The following PI4KB variants were observed in gnomAD, a reference collection of about 807,000 sequenced individuals.
PI4KB encodes phosphatidylinositol 4-kinase beta.
In PI4KB, 23 loss-of-function variants were observed where a neutral mutation model predicts 81.4. That is an observed-to-expected ratio of 0.28 (90% CI 0.20 to 0.40). PI4KB has a LOEUF of 0.40. Among genes scored for constraint, PI4KB ranks in the 10% least tolerant of loss-of-function variants. PI4KB has a pLI of 1.00. For synonymous variants in PI4KB, 381 were observed against 406.8 expected (o/e 0.94, Z 0.76); for missense variants, 651 against 1,036.6 (o/e 0.63, Z 5.11).
At position 151,298,739 on chromosome 1, in the gene PI4KB, G is replaced by A. The variant is rs924481906; in HGVS notation, c.2015+69C>T. On this transcript the variant is annotated intron_variant, in intron 9 of 11. Coordinates refer to ENST00000368873, the MANE Select transcript of PI4KB (RefSeq NM_001369623.2). ...CCATGGAGGGCAGTAATAAGTAATT[G>A]AGAACTACACACGAAGGGACAGAGA... 6.7e-6 allele frequency: 10 copies of A among 1,502,920 alleles called. No homozygotes were observed. In the African/African-American group the frequency reaches 1.4e-4, roughly 21 times the overall value. The allele number at this position is 1,502,920 out of a possible 1,614,324, so 93.1% of individuals were successfully genotyped here. A position where few individuals can be genotyped will look rare whatever the true frequency, so the allele number is the denominator to read the frequency against.
At chr1:151,299,183 A>C (rs1453010056) in intron 8 of PI4KB, 110 bp from the exon 9 acceptor site, 1 of 1,010,286 alleles carries the variant, frequency 9.9e-7, no homozygotes, top group East Asian at 2.5e-5. Flanking sequence ...TTGAATTCTA[A>C]GCCATCAAAT....
intron 5 of PI4KB, among the ~76,000 whole-genome samples, chr1:151,304,807 A>G (rs1379711668): frequency 6.7e-6 from 1 of 149,422 alleles, no homozygotes; most frequent in Non-Finnish European, 1.5e-5. Context: ...CTGGGATTAC[A>G]GGCATGTTCC....
intron 4 of PI4KB, among the ~76,000 whole-genome samples, chr1:151,306,845 G>A (rs1413256631): frequency 6.6e-6 from 1 of 152,216 alleles, no homozygotes; most frequent in African/African-American, 2.4e-5. Flanking sequence ...GGGGGGCCGA[G>A]GCGGGTGGAT....
rs1286314472 is a variant in PI4KB at position 151,292,620 on chromosome 1, GAC to G, written c.*230_*231del. On this transcript the variant is annotated 3_prime_UTR_variant, in exon 12 of 12. Transcript: ENST00000368873. Reference sequence around the variant, plus strand: ...CTGGAGTCAGTCTGGTGGTAATACTGACACAGACCAGGAGGGGCAGGGAAGCC... The same window carrying G: ...CTGGAGTCAGTCTGGTGGTAATACTGACAGACCAGGAGGGGCAGGGAAGCC... The G allele has an allele frequency of 9.0e-6, 5 of 557,178 alleles. No individual in the cohort carries two copies. The highest frequency in any genetic ancestry group is 5.7e-5 in the African/African-American group (3 of 52,830). 34.5% of individuals were successfully genotyped at this position (557,178 alleles called of 1,614,324 possible).
upstream of PI4KB, chr1:151,327,419 G>A (rs559653405): frequency 3.5e-5 from 14 of 397,766 alleles, no homozygotes; most frequent in South Asian, 2.5e-4. Context: ...CCCCGGCTGC[G>A]GGGCTGCCCG....
intron 11 of PI4KB, 90 bp downstream of exon 11, chr1:151,293,928 T>G: frequency 1.4e-6 from 2 of 1,448,144 alleles, no homozygotes; most frequent in South Asian, 2.5e-5. Flanking sequence ...CTCAACCGAG[T>G]CTCGTGGGAT....
chr1:151,311,577 T>TAAA (rs1437096009), intron 2 of PI4KB, among the ~76,000 whole-genome samples: 1 of 152,256 alleles, frequency 6.6e-6, no homozygotes, highest in African/African-American at 2.4e-5. Context: ...GAGTCTATTA[T>TAAA]GAATTAGTGG....
At chr1:151,318,091 G>T (rs1648244121) in intron 1 of PI4KB, among the ~76,000 whole-genome samples, 1 of 152,152 alleles carries the variant, frequency 6.6e-6, no homozygotes, top group African/African-American at 2.4e-5. Context: ...AGGATTACAG[G>T]TGTGAACCAC....
intron 2 of PI4KB, among the ~76,000 whole-genome samples, chr1:151,313,415 T>A (rs1571198240): frequency 1.3e-5 from 2 of 152,054 alleles, no homozygotes; most frequent in Admixed American, 1.3e-4. Context: ...GAGTTAGATG[T>A]AAGGAAAGAG....
In PI4KB at chr1:151,307,600, C is replaced by A; in HGVS notation, c.1156G>T (p.Ala386Ser). The change falls in exon 4 of 12, where the codon GCT becomes TCT. Residue 386 changes from alanine to serine, a missense_variant. Coordinates refer to ENST00000368873, the MANE Select transcript of PI4KB (RefSeq NM_001369623.2). The stretch of plus-strand genomic sequence containing the variant: ...TTGTCCTTGGAGTTGAGGACAACAG[C>A]CTGTGTGTGGGGTACACGGACCACG... ...HHVVRVPHTQ[A>S]VVLNSKDKAP... 1.9e-6 allele frequency: 3 copies of A among 1,613,872 alleles called. No homozygotes were observed. Among genetic ancestry groups the A allele is most frequent in the African/African-American group, 2.7e-5 (2 of 75,022 alleles).
rs753489098 is a variant in PI4KB, at chr1:151,302,197, A to G, written c.1622T>C (p.Val541Ala). The G allele has an allele frequency of 4.3e-5, 70 of 1,611,702 alleles. No individual in the cohort carries two copies. Among genetic ancestry groups the G allele is most frequent in the Non-Finnish European group, 5.9e-5 (69 of 1,177,870 alleles). ...CAGAGACCCACACCCAACTCACCGT[A>G]CTTTCTCCTGCCAGGGCTCTTTGAG... ...VALKEPWQEK[V>A]RRIREGSPYG... is the part of the protein sequence containing the mutation. The change falls in exon 7 of 12, where the codon GTA (valine) becomes GCA (alanine). Residue 541 changes from valine to alanine, a missense_variant. By Grantham distance (64) the Val-to-Ala change is moderately conservative (BLOSUM62 0). Transcript: ENST00000368873.
At chr1:151,312,798 G>T (rs1647305993) in intron 2 of PI4KB, among the ~76,000 whole-genome samples, 1 of 152,236 alleles carries the variant, frequency 6.6e-6, no homozygotes, top group Non-Finnish European at 1.5e-5. Context: ...AGGATGACTT[G>T]AAGCCAGGAG....
chr1:151,291,890 T>G lies in PI4KB; in HGVS notation c.*962A>C, dbSNP rs1300829349. ...AGAAAACCAGACCATTAAAACTGTT[T>G]GTGGTCGAATCTCCATTCAGGCCTC... On this transcript the variant is annotated 3_prime_UTR_variant, in exon 12 of 12. Coordinates refer to ENST00000368873, the MANE Select transcript of PI4KB (RefSeq NM_001369623.2). 6.6e-6 allele frequency: 1 copy of G among 152,358 alleles called. No individual in the cohort carries two copies. Among genetic ancestry groups the G allele is most frequent in the Non-Finnish European group, 1.5e-5 (1 of 68,030 alleles). The allele number at this position is 152,358 out of a possible 1,614,324, so 9.4% of individuals were successfully genotyped here.
At position 151,292,544 on chromosome 1, in the gene PI4KB, C is replaced by T; in HGVS notation, c.*308G>A. On this transcript the variant is annotated 3_prime_UTR_variant, in exon 12 of 12. Coordinates refer to ENST00000368873, the MANE Select transcript of PI4KB (RefSeq NM_001369623.2). The stretch of plus-strand genomic sequence containing the variant: ...GAGACCCCTACAAGGAGAAGAAAGG[C>T]CCCAGTGTCCCTCACATTTGTCACC... 3.1e-6 allele frequency: 1 copy of T among 319,798 alleles called. No homozygotes were observed. The highest frequency in any genetic ancestry group is 5.8e-6 in the Non-Finnish European group (1 of 171,218). 19.8% of individuals were successfully genotyped at this position (319,798 alleles called of 1,614,324 possible).
At chr1:151,298,531 T>C in intron 9 of PI4KB, 1 of 472,386 alleles carries the variant, frequency 2.1e-6, no homozygotes. Flanking sequence ...CCCCTGCAGC[T>C]TCCTCTGTCA....
Position 151,293,172 on chromosome 1 carries a change from GC to G in PI4KB, c.2270-140del, listed in dbSNP as rs897356791. The G allele has an allele frequency of 4.7e-5, 70 of 1,483,182 alleles. No homozygotes were observed. In the Middle Eastern group the frequency reaches 1.5e-3, roughly 31 times the overall value. 91.9% of individuals were successfully genotyped at this position (1,483,182 alleles called of 1,614,324 possible). The stretch of plus-strand genomic sequence containing the variant: ...TCCTTGATGATGTGGGTGCAGTTCT[GC>G]TTGGGCAGAGAGAAGGAACCGGCAG... On this transcript the variant is annotated intron_variant, in intron 11 of 11. Transcript: ENST00000368873.
chr1:151,314,514 AC>A (rs1056323038), intron 2 of PI4KB, among the ~76,000 whole-genome samples: 1 of 152,084 alleles, frequency 6.6e-6, no homozygotes, highest in Non-Finnish European at 1.5e-5. Context: ...TATACCTCCA[AC>A]TGCTGCTGTA....
chr1:151,318,010 G>A (rs1204181006), intron 1 of PI4KB, among the ~76,000 whole-genome samples: 1 of 151,902 alleles, frequency 6.6e-6, no homozygotes, highest in African/African-American at 2.4e-5. Context: ...ATGGCGTCTT[G>A]CTGTGTTGCC....
In PI4KB at chr1:151,294,083, T is replaced by C. The variant is rs751176176; in HGVS notation, c.2204A>G (p.Gln735Arg). ...MFNYYKMLML[Q>R]GLIAARKHMD... ...GTGTTTCCGAGCGGCAATCAGCCCT[T>C]GCAGCATCAGCATCTTATAGTAGTT... Residue 735 changes from glutamine to arginine, a missense_variant, in exon 11 of 12, where the codon CAA becomes CGA. This residue lies in a region of PI4KB where 70 missense variants were observed against 108.1 expected (regional missense o/e 0.65). Transcript: ENST00000368873. 6.2e-7 allele frequency: 1 copy of C among 1,614,098 alleles called. No homozygotes were observed. The highest frequency in any genetic ancestry group is 1.7e-5 in the Admixed American group (1 of 60,014).
Sources: allele counts gnomAD v4.1 joint callset (sites outside exome capture counted in the v4.1 genomes callset), GRCh38; gene constraint gnomAD v4.1.1; regional missense constraint gnomAD v4.1.1; transcripts MANE v1.5; gene names NCBI Gene and HGNC (gene_info 2026-07-23, HGNC 2026-07-21).